The following ALK variants were observed in gnomAD, a reference collection of about 807,000 sequenced individuals.
ALK encodes the protein ALK tyrosine kinase receptor.
ALK carries 74 observed loss-of-function variants against 163.1 expected under a neutral mutation model. That is an observed-to-expected ratio of 0.45 (90% CI 0.38 to 0.55). The LOEUF (loss-of-function observed/expected upper bound fraction) is 0.55, where lower values mean the gene tolerates loss of function less well. Among genes scored for constraint, ALK ranks in the 20% least tolerant of loss-of-function variants. The pLI, the probability that ALK is intolerant of heterozygous loss-of-function variation, is 0.00. For missense variants in ALK, 2,063 were observed against 2,105.3 expected (o/e 0.98, Z 0.39); for synonymous variants, 960 against 843.2 (o/e 1.14, Z -2.40).
rs560648794 is a variant in ALK at position 29,865,724 on chromosome 2, T to C, written c.667+54269A>G. On this transcript the variant is annotated intron_variant, in intron 1 of 28. Coordinates refer to ENST00000389048, the MANE Select transcript of ALK (RefSeq NM_004304.5). ...CAAAGTCTGTTTAGTACAAGGAAAC[T>C]GAAAGTTGAAAAGATAAGTTTACTC... 5.3e-4 allele frequency among the ~76,000 whole-genome samples: 81 copies of C among 152,288 alleles called. 1 individual carries two copies. Among genetic ancestry groups the C allele is most frequent in the African/African-American group, 1.9e-3 (79 of 41,558 alleles).
At chr2:29,328,175 AC>A (rs1468699770) in intron 6 of ALK, among the ~76,000 whole-genome samples, 174 bp downstream of exon 6, 1 of 152,192 alleles carries the variant, frequency 6.6e-6, no homozygotes, top group Non-Finnish European at 1.5e-5. Context: ...CTATTTCTAG[AC>A]CACAAATCTT....
chr2:29,254,081 C>T (rs187160862), intron 11 of ALK, among the ~76,000 whole-genome samples: 278 of 152,292 alleles, frequency 1.8e-3, no homozygotes, highest in Middle Eastern at 3.4e-3. Context: ...AAGGGGCTTC[C>T]CCCTTCACTG....
chr2:29,840,956 C>G (rs1297042478), intron 1 of ALK, among the ~76,000 whole-genome samples: 1 of 152,072 alleles, frequency 6.6e-6, no homozygotes, highest in East Asian at 1.9e-4. Context: ...ATCTTTTCAC[C>G]CTCACTATAC....
At chr2:29,404,564 A>G (rs950715777) in intron 4 of ALK, among the ~76,000 whole-genome samples, 6 of 152,202 alleles carry the variant, frequency 3.9e-5, no homozygotes, top group Admixed American at 3.9e-4. Flanking sequence ...TAGTGGTGAA[A>G]ACTGCAGAGT....
intron 3 of ALK, among the ~76,000 whole-genome samples, chr2:29,622,921 G>C (rs1002302904): frequency 6.6e-6 from 1 of 152,080 alleles, no homozygotes; most frequent in Admixed American, 6.5e-5. Flanking sequence ...TGTTCATTTG[G>C]TTTCCAGTTT....
chr2:29,248,198 G>A (rs888344399), intron 12 of ALK, among the ~76,000 whole-genome samples: 11 of 152,230 alleles, frequency 7.2e-5, no homozygotes, highest in African/African-American at 2.4e-4. Context: ...GTGACTGGCC[G>A]GGTGTGGTGG....
intron 8 of ALK, among the ~76,000 whole-genome samples, chr2:29,315,089 G>A (rs995056494): frequency 5.3e-5 from 8 of 152,202 alleles, no homozygotes; most frequent in Non-Finnish European, 1.0e-4. Context: ...TTCCTGCAGA[G>A]AAGAGCTTGT....
intron 3 of ALK, among the ~76,000 whole-genome samples, chr2:29,646,219 G>A (rs1676870438): frequency 6.6e-6 from 1 of 151,982 alleles, no homozygotes; most frequent in Non-Finnish European, 1.5e-5. Context: ...ATCCCCCCCA[G>A]GCCAAAACCA....
chr2:29,737,209 T>A (rs1679916778), intron 1 of ALK, among the ~76,000 whole-genome samples: 1 of 152,156 alleles, frequency 6.6e-6, no homozygotes, highest in South Asian at 2.1e-4. Flanking sequence ...TAGCTAGAGA[T>A]AAATGCATGA....
At chr2:29,468,130 G>C (rs902474722) in intron 4 of ALK, among the ~76,000 whole-genome samples, 5 of 152,112 alleles carry the variant, frequency 3.3e-5, no homozygotes, top group Admixed American at 3.3e-4. Flanking sequence ...CCGGGTTCAA[G>C]TGATTCTCTT....
At chr2:29,451,575 C>A (rs767362065) in intron 4 of ALK, among the ~76,000 whole-genome samples, 1 of 152,166 alleles carries the variant, frequency 6.6e-6, no homozygotes, top group Non-Finnish European at 1.5e-5. Context: ...TTGGACATAA[C>A]TTCCTCCTCT....
intron 1 of ALK, among the ~76,000 whole-genome samples, chr2:29,903,575 AATTG>A (rs1166718898): frequency 6.7e-6 from 1 of 149,216 alleles, no homozygotes; most frequent in Non-Finnish European, 1.5e-5. Flanking sequence ...TCTATCAATC[AATTG>A]ATTGATTGCC....
Position 29,222,237 on chromosome 2 carries a change from C to G in ALK, c.3515+107G>C, listed in dbSNP as rs566151287. ...CTCCTACTGGAGAAAAGGGGACATG[C>G]TAGGGACAACACGATTTCCCTTGGA... On this transcript the variant is annotated intron_variant, in intron 22 of 28. Coordinates refer to ENST00000389048, the MANE Select transcript of ALK (RefSeq NM_004304.5). The G allele has an allele frequency of 1.4e-5, 14 of 1,016,790 alleles. No individual in the cohort carries two copies. The East Asian group carries it at 2.3e-4, about 17-fold the overall frequency. 63.0% of individuals were successfully genotyped at this position (1,016,790 alleles called of 1,614,324 possible). A position where few individuals can be genotyped will look rare whatever the true frequency, so the allele number is the denominator to read the frequency against.
intron 3 of ALK, among the ~76,000 whole-genome samples, chr2:29,668,941 C>T (rs1240168586): frequency 6.6e-6 from 1 of 152,056 alleles, no homozygotes; most frequent in African/African-American, 2.4e-5. Flanking sequence ...TTCACTATCA[C>T]AAGAACAGCA....
chr2:29,694,040 T>C (rs917277799), intron 3 of ALK, among the ~76,000 whole-genome samples: 4 of 152,192 alleles, frequency 2.6e-5, no homozygotes, highest in African/African-American at 9.6e-5. Context: ...GCCAGGAACA[T>C]AGGCTTTCAA....
At chr2:29,561,110 T>C (rs1384985858) in intron 3 of ALK, among the ~76,000 whole-genome samples, 1 of 152,226 alleles carries the variant, frequency 6.6e-6, no homozygotes, top group Non-Finnish European at 1.5e-5. Context: ...AAATAAAATG[T>C]ATTATTAAAA....
At chr2:29,549,726 C>G (rs527303891) in intron 3 of ALK, among the ~76,000 whole-genome samples, 20 of 152,170 alleles carry the variant, frequency 1.3e-4, no homozygotes, top group African/African-American at 4.8e-4. Context: ...AAATGGCTAT[C>G]AGTATAAAAT....
At chr2:29,567,837 TC>T (rs1408721371) in intron 3 of ALK, among the ~76,000 whole-genome samples, 1 of 152,248 alleles carries the variant, frequency 6.6e-6, no homozygotes, top group Non-Finnish European at 1.5e-5. Context: ...CTATATTTTC[TC>T]AATTCCAAGT....
intron 9 of ALK, among the ~76,000 whole-genome samples, chr2:29,276,391 T>C (rs959019945): frequency 6.6e-6 from 1 of 152,222 alleles, no homozygotes; most frequent in Non-Finnish European, 1.5e-5. Flanking sequence ...GAAAGTACTT[T>C]TGGTTTGTTT....
Sources: allele counts gnomAD v4.1 joint callset (sites outside exome capture counted in the v4.1 genomes callset), GRCh38; gene constraint gnomAD v4.1.1; transcripts MANE v1.5; gene names NCBI Gene and HGNC (gene_info 2026-07-23, HGNC 2026-07-21).